Variants in NCOR1 observed in about 807,000 individuals in gnomAD.
NCOR1 encodes nuclear receptor corepressor 1.
NCOR1 carries 63 observed loss-of-function variants against 288.1 expected under a neutral mutation model. The ratio of observed to expected loss-of-function variants is 0.22; its 90% CI spans 0.18 to 0.27. The LOEUF (loss-of-function observed/expected upper bound fraction) is 0.27. Ranked by LOEUF, NCOR1 falls within the 10% of genes least tolerant of loss-of-function variation. The pLI is 1.00. For missense variants in NCOR1, 2,397 were observed against 3,019.2 expected (o/e 0.79, Z 4.83); for synonymous variants, 1,007 against 1,065.9 (o/e 0.94, Z 1.08).
intron 6 of NCOR1, among the ~76,000 whole-genome samples, chr17:16,157,381 G>GT (rs1348165482): frequency 2.0e-5 from 3 of 151,964 alleles, no homozygotes; most frequent in East Asian, 1.9e-4. Flanking sequence ...TACCATTACC[G>GT]TAAGTATATT....
chr17:16,181,211 A>ATATGTGTGTG (rs1555787779), intron 3 of NCOR1, among the ~76,000 whole-genome samples: 1 of 139,498 alleles, frequency 7.2e-6, no homozygotes, highest in Admixed American at 7.4e-5. Context: ...ATATATATGT[A>ATATGTGTGTG]TGTGTGTGTG....
rs376739563 is a variant in NCOR1 at position 16,161,339 on chromosome 17, G to C, written c.619-2466C>G. Among the ~76,000 whole-genome samples the C allele has an allele frequency of 8.2e-4, 124 of 151,956 alleles. 1 individual carries two copies. The South Asian group carries it at 0.025, about 31-fold the overall frequency. Reference sequence around the variant, plus strand: ...AGTCTCACTCTTTTTGCCCAGGCTGGAGTGCAGTGGCACAATCTCAGCTCA... The same window carrying C: ...AGTCTCACTCTTTTTGCCCAGGCTGCAGTGCAGTGGCACAATCTCAGCTCA... On this transcript the variant is annotated intron_variant, in intron 5 of 45. Transcript: ENST00000268712.
At chr17:16,137,533 C>T (rs372095206) in intron 13 of NCOR1, 121 bp from the exon 14 acceptor site, 18 of 543,402 alleles carry the variant, frequency 3.3e-5, no homozygotes, top group African/African-American at 3.1e-4. Context: ...AAAAGAACAA[C>T]ATACATTGCT....
At position 16,061,665 on chromosome 17, in the gene NCOR1, C is replaced by T. The variant is rs2152604304; in HGVS notation, c.5617G>A (p.Val1873Met). 1 of 1,614,262 alleles carries T rather than the reference C, an allele frequency of 6.2e-7. No homozygotes were observed. Among genetic ancestry groups the T allele is most frequent in the Non-Finnish European group, 8.5e-7 (1 of 1,180,042 alleles). Residue 1873 changes from valine to methionine, a missense_variant, in exon 37 of 46, where the codon GTG (valine) becomes ATG (methionine). Around this residue, in one of 11 missense-constraint regions of NCOR1, gnomAD observed 1,872 missense variants for 2,187.8 expected, o/e 0.86. Coordinates refer to ENST00000268712, the MANE Select transcript of NCOR1 (RefSeq NM_006311.4). ...QQQLEQKTLE[V>M]EKRSVQCLYT... ...AAACACTGAACAGATCTCTTCTCCA[C>T]CTCCAGGGTTTTCTGCTCTAGCTGC...
chr17:16,040,734 AAAG>A (rs2057407254), intron 42 of NCOR1: 2 of 535,202 alleles, frequency 3.7e-6, no homozygotes, highest in Non-Finnish European at 6.9e-6. Flanking sequence ...AGGAACATCA[AAAG>A]AAGAGCAATA....
chr17:16,076,886 G>A (rs1475715660), intron 26 of NCOR1, among the ~76,000 whole-genome samples: 2 of 152,144 alleles, frequency 1.3e-5, no homozygotes, highest in Non-Finnish European at 2.9e-5. Flanking sequence ...TGAATGAGAT[G>A]CACTGAAAAC....
At chr17:16,132,995 G>T (rs2075882494) in intron 14 of NCOR1, among the ~76,000 whole-genome samples, 1 of 150,036 alleles carries the variant, frequency 6.7e-6, no homozygotes, top group Non-Finnish European at 1.5e-5. Context: ...TCCAGACGGG[G>T]TCTTGCTCTG....
intron 13 of NCOR1, 46 bp from the exon 14 acceptor site, chr17:16,137,458 G>T: frequency 9.3e-7 from 1 of 1,071,540 alleles, no homozygotes. Flanking sequence ...ATGAAATAAA[G>T]AAATTTTTTA....
Position 16,186,528 on chromosome 17 carries a change from T to C in NCOR1, c.242+26A>G, listed in dbSNP as rs73281909. On this transcript the variant is annotated intron_variant, in intron 3 of 45. Transcript: ENST00000268712. ...TATACTTCACAATTATAATCCTAGA[T>C]AGAAACATAAAAGAAACCTCATTAC... 4.8e-3 allele frequency: 7,693 copies of C among 1,602,368 alleles called. 312 individuals are homozygous for C. The African/African-American group carries it at 0.09, about 19-fold the overall frequency.
rs1454295299 is a variant in NCOR1 at position 16,171,976 on chromosome 17, T to C, written c.262A>G (p.Ser88Gly). Residue 88 changes from serine to glycine, a missense_variant, in exon 4 of 46, where the codon AGT becomes GGT. Transcript: ENST00000268712. The stretch of plus-strand genomic sequence containing the variant: ...GGGCCTGGATGAAACGGTTCATAAC[T>C]AGTTCTCCTTTCTTGAGGCCTAATA... ...GSDRPQERRTSYEPFHPGPSP... is the reference protein window; with the variant it reads ...GSDRPQERRTGYEPFHPGPSP... The C allele has an allele frequency of 3.8e-6, 6 of 1,579,878 alleles. No homozygotes were observed. The highest frequency in any genetic ancestry group is 5.1e-6 in the Non-Finnish European group (6 of 1,165,790).
chr17:16,077,461 A>G (rs2062654027), intron 26 of NCOR1, among the ~76,000 whole-genome samples: 1 of 10,392 alleles, frequency 9.6e-5, no homozygotes, highest in Non-Finnish European at 2.6e-4. Flanking sequence ...AGGAGAGGAG[A>G]GGGGAGGAGA....
intron 4 of NCOR1, among the ~76,000 whole-genome samples, chr17:16,168,481 G>A (rs1468970998): frequency 1.3e-5 from 2 of 151,930 alleles, no homozygotes; most frequent in Non-Finnish European, 2.9e-5. Context: ...GATTACAGGC[G>A]TGAGCCACCG....
intron 5 of NCOR1, 86 bp downstream of exon 5, chr17:16,164,893 A>G (rs2081693978): frequency 1.0e-6 from 1 of 967,100 alleles, no homozygotes; most frequent in Non-Finnish European, 1.5e-6. Context: ...CTTTTATGTA[A>G]AGTTTCAAAA....
chr17:16,204,629 G>A lies in NCOR1; in HGVS notation c.-70-9990C>T, dbSNP rs559337369. Among the ~76,000 whole-genome samples, 7 of 152,314 alleles carry A rather than the reference G, an allele frequency of 4.6e-5. No individual in the cohort carries two copies. In the South Asian group the frequency reaches 1.0e-3, roughly 23 times the overall value. ...CTCGCTTTGTTTTTCTAGTTTAGTA[G>A]ATAGGTGAATATTTTACATTTTGGA... On this transcript the variant is annotated intron_variant, in intron 1 of 45. Transcript: ENST00000268712.
At chr17:16,195,814 A>C (rs1351108038) in intron 1 of NCOR1, among the ~76,000 whole-genome samples, 1 of 152,204 alleles carries the variant, frequency 6.6e-6, no homozygotes. Context: ...AGGTACTGTT[A>C]TACTCCTGAG....
intron 26 of NCOR1, among the ~76,000 whole-genome samples, chr17:16,077,364 T>G (rs1286490759): frequency 6.8e-6 from 1 of 148,144 alleles, no homozygotes; most frequent in East Asian, 2.0e-4. Flanking sequence ...ACCACTGCAC[T>G]CCATGCTCCA....
chr17:16,212,971 G>A (rs981304887), intron 1 of NCOR1, among the ~76,000 whole-genome samples: 14 of 150,662 alleles, frequency 9.3e-5, no homozygotes, highest in African/African-American at 3.4e-4. Context: ...GACTTGGGAG[G>A]CTGAGGTGGA....
chr17:16,040,340 A>G (rs1366822565), intron 43 of NCOR1, 101 bp downstream of exon 43: 1 of 938,872 alleles, frequency 1.1e-6, no homozygotes, highest in South Asian at 1.3e-5. Flanking sequence ...ATATTAGAGC[A>G]GTCACTCCCC....
At chr17:16,148,731 T>A (rs192079187) in intron 9 of NCOR1, among the ~76,000 whole-genome samples, 1 of 134,984 alleles carries the variant, frequency 7.4e-6, no homozygotes, top group African/African-American at 2.8e-5. Context: ...CTGATCAGAC[T>A]GGCAAATTAG....
Sources: allele counts gnomAD v4.1 joint callset (sites outside exome capture counted in the v4.1 genomes callset), GRCh38; gene constraint gnomAD v4.1.1; regional missense constraint gnomAD v4.1.1; transcripts MANE v1.5; gene names NCBI Gene and HGNC (gene_info 2026-07-23, HGNC 2026-07-21).